The following YES1 variants were observed in gnomAD, a reference collection of about 807,000 sequenced individuals.
YES1 encodes the protein YES proto-oncogene 1, Src family tyrosine kinase.
YES1 carries 39 observed loss-of-function variants against 70.4 expected under a neutral mutation model. The observed-to-expected ratio is 0.55, with a 90% CI of 0.43 to 0.72. The LOEUF (loss-of-function observed/expected upper bound fraction) is 0.72. Ranked by LOEUF, YES1 falls within the 30% of genes least tolerant of loss-of-function variation. The pLI is 0.00. For synonymous variants in YES1, 198 were observed against 218.6 expected, an observed-to-expected ratio of 0.91 and a Z score of 0.83; for missense variants, 495 against 644.8, an observed-to-expected ratio of 0.77 and a Z score of 2.52.
chr18:749,331 C>T (rs752968083), intron 3 of YES1, among the ~76,000 whole-genome samples: 3 of 151,498 alleles, frequency 2.0e-5, no homozygotes, highest in Non-Finnish European at 4.4e-5. Flanking sequence ...AACCCTGTCC[C>T]TACTAAAAAT....
At chr18:791,413 A>C (rs1431354219) in intron 1 of YES1, among the ~76,000 whole-genome samples, 3 of 152,172 alleles carry the variant, frequency 2.0e-5, no homozygotes, top group Non-Finnish European at 4.4e-5. Flanking sequence ...TCTTGTGTAT[A>C]CTAACACATT....
chr18:786,529 AC>A (rs1445113239), intron 1 of YES1, among the ~76,000 whole-genome samples: 6 of 151,388 alleles, frequency 4.0e-5, no homozygotes, highest in Non-Finnish European at 8.8e-5. Context: ...ACACACACAC[AC>A]ACACACAGAG....
At chr18:727,556 A>G (rs1034105682) in intron 11 of YES1, among the ~76,000 whole-genome samples, 1 of 150,948 alleles carries the variant, frequency 6.6e-6, no homozygotes, top group African/African-American at 2.4e-5. Flanking sequence ...GCATTTTTCA[A>G]TGTTCAATTT....
intron 1 of YES1, among the ~76,000 whole-genome samples, chr18:764,521 C>T (rs1371890965): frequency 6.6e-6 from 1 of 151,550 alleles, no homozygotes; most frequent in African/African-American, 2.4e-5. Context: ...CGTGCCTGGC[C>T]AAAGTTTCTA....
chr18:736,881 T>C lies in YES1; in HGVS notation c.1218A>G (p.Glu406=). The C allele has an allele frequency of 6.2e-7, 1 of 1,612,964 alleles. No homozygotes were observed. The highest frequency in any genetic ancestry group is 8.5e-7 in the Non-Finnish European group (1 of 1,180,006). ...DLRAANILVG[E]NLVCKIADFG... ...AGTCTGCTATTTTGCACACAAGATT[T>C]TCTCCTACAAGAATATTAGCAGCCC... Residue 406 remains glutamate (E), a synonymous_variant, in exon 10 of 12, where the codon GAA becomes GAG. Coordinates refer to ENST00000314574, the MANE Select transcript of YES1 (RefSeq NM_005433.4).
At chr18:780,566 T>A (rs1158812297) in intron 1 of YES1, among the ~76,000 whole-genome samples, 1 of 152,154 alleles carries the variant, frequency 6.6e-6, no homozygotes, top group Non-Finnish European at 1.5e-5. Context: ...TGCCTCCAGA[T>A]CTGTAAGAAA....
chr18:769,940 A>G, intron 1 of YES1, among the ~76,000 whole-genome samples: 1 of 150,490 alleles, frequency 6.6e-6, no homozygotes, highest in Non-Finnish European at 1.5e-5. Context: ...TGAATTGGGA[A>G]GTATTCTCTT....
chr18:743,906 GAAA>G (rs1032600928), intron 6 of YES1, among the ~76,000 whole-genome samples: 1 of 113,794 alleles, frequency 8.8e-6, no homozygotes, highest in African/African-American at 3.3e-5. Flanking sequence ...ATTCTGACTC[GAAA>G]AAAAAAAAAA....
At chr18:787,486 G>T (rs1906024216) in intron 1 of YES1, among the ~76,000 whole-genome samples, 1 of 152,026 alleles carries the variant, frequency 6.6e-6, no homozygotes. Context: ...AAGCCAGGTG[G>T]ATCACTGAAG....
At chr18:758,867 T>A (rs1904429787) in intron 1 of YES1, among the ~76,000 whole-genome samples, 1 of 152,220 alleles carries the variant, frequency 6.6e-6, no homozygotes. Context: ...CATTACAAAA[T>A]CTGCATTATT....
chr18:758,819 G>A (rs1001875630), intron 1 of YES1, among the ~76,000 whole-genome samples: 9 of 152,048 alleles, frequency 5.9e-5, no homozygotes, highest in Admixed American at 2.0e-4. Context: ...TTTACTCATC[G>A]CTTACCTACC....
chr18:766,373 T>C lies in YES1; in HGVS notation c.-8-9538A>G, dbSNP rs561007754. Among the ~76,000 whole-genome samples, 4 of 152,186 alleles carry C rather than the reference T, an allele frequency of 2.6e-5. No individual in the cohort carries two copies. In the South Asian group the frequency reaches 8.3e-4, roughly 32 times the overall value. Reference sequence around the variant, plus strand: ...AGATCAAATGACTTGCTCCACATCCTTAAGACTTGTTATTAACACTTTTAA... The same window carrying C: ...AGATCAAATGACTTGCTCCACATCCCTAAGACTTGTTATTAACACTTTTAA... On this transcript the variant is annotated intron_variant, in intron 1 of 11. Transcript: ENST00000314574.
chr18:812,016 CGCGGCGGCGGCG>C (rs145256073), intron 1 of YES1, 86 bp downstream of exon 1: 3 of 168,082 alleles, frequency 1.8e-5, no homozygotes, highest in East Asian at 1.8e-4. Flanking sequence ...GGCGGGGAAC[CGCGGCGGCGGCG>C]GCGGCGGCGG....
intron 1 of YES1, among the ~76,000 whole-genome samples, chr18:784,502 T>A (rs1461252996): frequency 6.6e-6 from 1 of 152,242 alleles, no homozygotes; most frequent in African/African-American, 2.4e-5. Flanking sequence ...ATTTAGTGGC[T>A]TAAAACAATA....
intron 1 of YES1, among the ~76,000 whole-genome samples, chr18:772,681 C>T (rs1312328044): frequency 6.6e-6 from 1 of 151,992 alleles, no homozygotes; most frequent in African/African-American, 2.4e-5. Context: ...ATCCACCTGC[C>T]TCGGCCTCTC....
At chr18:735,853 A>G (rs1287958945) in intron 10 of YES1, 2 of 152,180 alleles carry the variant, frequency 1.3e-5, no homozygotes, top group African/African-American at 4.8e-5. Context: ...ATTAGGCCCT[A>G]AAGAATGGTT....
intron 1 of YES1, among the ~76,000 whole-genome samples, chr18:801,394 T>C (rs1906814757): frequency 1.3e-5 from 2 of 152,098 alleles, no homozygotes; most frequent in East Asian, 1.9e-4. Context: ...AACAAGCCAG[T>C]ATGGAAGAAT....
chr18:810,965 TTA>T (rs1244056346), intron 1 of YES1, among the ~76,000 whole-genome samples: 2 of 152,182 alleles, frequency 1.3e-5, no homozygotes, highest in African/African-American at 4.8e-5. Flanking sequence ...AGTTAAGATA[TTA>T]GATTTACCAT....
chr18:746,393 T>G (rs569258243), intron 4 of YES1, among the ~76,000 whole-genome samples: 1 of 152,158 alleles, frequency 6.6e-6, no homozygotes, highest in East Asian at 1.9e-4. Flanking sequence ...ACAGGAAGAA[T>G]AGAAGTGGTT....
Sources: allele counts gnomAD v4.1 joint callset (sites outside exome capture counted in the v4.1 genomes callset), GRCh38; gene constraint gnomAD v4.1.1; transcripts MANE v1.5; gene names NCBI Gene and HGNC (gene_info 2026-07-23, HGNC 2026-07-21).